RTN1: variants seen among roughly 807,000 people sequenced by gnomAD.
RTN1 encodes reticulon 1.
RTN1 carries 25 observed loss-of-function variants against 65.5 expected under a neutral mutation model. That is an observed-to-expected ratio of 0.38 (90% confidence interval 0.28 to 0.53). RTN1 has a LOEUF of 0.53. RTN1 is among the 20% of genes least tolerant of loss of function. The pLI is 0.79. For missense variants in RTN1, 983 were observed against 1,025.4 expected (o/e 0.96, Z 0.57); for synonymous variants, 471 against 447.6 (o/e 1.05, Z -0.66).
At chr14:59,699,783 A>T (rs1884141725) in intron 3 of RTN1, among the ~76,000 whole-genome samples, 1 of 152,198 alleles carries the variant, frequency 6.6e-6, no homozygotes, top group Non-Finnish European at 1.5e-5. Flanking sequence ...GTTTGAACCT[A>T]GGTCTCACTT....
chr14:59,602,324 T>A (rs1047449482), intron 8 of RTN1, among the ~76,000 whole-genome samples: 1 of 152,186 alleles, frequency 6.6e-6, no homozygotes, highest in African/African-American at 2.4e-5. Context: ...AAGATTAGGC[T>A]AGCTTTTTAA....
intron 3 of RTN1, among the ~76,000 whole-genome samples, chr14:59,699,406 G>T (rs1438921842): frequency 2.0e-5 from 3 of 152,042 alleles, no homozygotes; most frequent in African/African-American, 7.2e-5. Flanking sequence ...AAGAGGAAAA[G>T]AAACAAAACA....
At chr14:59,678,697 C>T (rs1381973961) in intron 3 of RTN1, among the ~76,000 whole-genome samples, 3 of 152,290 alleles carry the variant, frequency 2.0e-5, no homozygotes, top group Admixed American at 6.5e-5. Flanking sequence ...CCTTCCTCAA[C>T]CTCCACTGTC....
chr14:59,843,651 C>A (rs375929242), intron 1 of RTN1, among the ~76,000 whole-genome samples: 9 of 152,118 alleles, frequency 5.9e-5, no homozygotes, highest in African/African-American at 2.2e-4. Flanking sequence ...GGAACGCACA[C>A]GTGATTTGAA....
chr14:59,667,545 G>A lies in RTN1; in HGVS notation c.1765+59374C>T, dbSNP rs370954202. Among the ~76,000 whole-genome samples the A allele has an allele frequency of 1.2e-4, 18 of 152,184 alleles. 2 individuals carry two copies. The highest frequency in any genetic ancestry group is 7.2e-4 in the Admixed American group (11 of 15,286). On this transcript the variant is annotated intron_variant, in intron 3 of 8. Coordinates refer to ENST00000267484, the MANE Select transcript of RTN1 (RefSeq NM_021136.3). The stretch of plus-strand genomic sequence containing the variant: ...ACGGGAAGCATCCCCTTTGAAAACT[G>A]GCACAAGACAAGGATGAGCTCTCTC...
intron 3 of RTN1, among the ~76,000 whole-genome samples, chr14:59,669,840 T>C (rs1207001036): frequency 6.6e-6 from 1 of 152,184 alleles, no homozygotes; most frequent in Non-Finnish European, 1.5e-5. Context: ...GCATTTCTAC[T>C]GTTAAACTCA....
chr14:59,740,991 G>A (rs749560773), intron 2 of RTN1, among the ~76,000 whole-genome samples: 14 of 152,194 alleles, frequency 9.2e-5, no homozygotes, highest in Admixed American at 3.3e-4. Flanking sequence ...ATATAATTGA[G>A]AGGAATAAAA....
At chr14:59,850,093 C>T (rs1887477964) in intron 1 of RTN1, among the ~76,000 whole-genome samples, 1 of 152,186 alleles carries the variant, frequency 6.6e-6, no homozygotes, top group African/African-American at 2.4e-5. Flanking sequence ...TCAGTTGACA[C>T]TCATTACTTT....
At chr14:59,601,036 C>G (rs1009274075) in intron 8 of RTN1, among the ~76,000 whole-genome samples, 1 of 151,598 alleles carries the variant, frequency 6.6e-6, no homozygotes, top group Non-Finnish European at 1.5e-5. Flanking sequence ...CTGATGATAT[C>G]AATCCCCTGC....
At chr14:59,633,735 G>A (rs1882604609) in intron 3 of RTN1, among the ~76,000 whole-genome samples, 1 of 152,220 alleles carries the variant, frequency 6.6e-6, no homozygotes, top group African/African-American at 2.4e-5. Flanking sequence ...GCCAGGAGAG[G>A]AAGTGATTTC....
intron 1 of RTN1, among the ~76,000 whole-genome samples, chr14:59,751,327 C>T (rs1217446454): frequency 6.9e-6 from 1 of 144,494 alleles, no homozygotes; most frequent in Non-Finnish European, 1.5e-5. Flanking sequence ...AACAAAAAAA[C>T]TATTAAATTT....
At chr14:59,609,591 C>G (rs1881881155) in intron 3 of RTN1, among the ~76,000 whole-genome samples, 1 of 152,112 alleles carries the variant, frequency 6.6e-6, no homozygotes, top group Admixed American at 6.5e-5. Context: ...CCCAGCAGCT[C>G]CTGGGTTGAA....
At chr14:59,759,611 C>G (rs1885707830) in intron 1 of RTN1, among the ~76,000 whole-genome samples, 1 of 151,558 alleles carries the variant, frequency 6.6e-6, no homozygotes, top group South Asian at 2.1e-4. Flanking sequence ...ACAGACACCT[C>G]AACAAATAAT....
At position 59,788,256 on chromosome 14, in the gene RTN1, C is replaced by G. The variant is rs560211448; in HGVS notation, c.242-41775G>C. ...CCAGCAATGGGGCTGCTGAACTGAACAGTATGTTGGGTTTTTTTTCTTTTG... is the reference window on the plus strand; with the variant it reads ...CCAGCAATGGGGCTGCTGAACTGAAGAGTATGTTGGGTTTTTTTTCTTTTG... On this transcript the variant is annotated intron_variant, in intron 1 of 8. Coordinates refer to ENST00000267484, the MANE Select transcript of RTN1 (RefSeq NM_021136.3). 2.0e-4 allele frequency among the ~76,000 whole-genome samples: 31 copies of G among 152,304 alleles called. No homozygotes were observed. In the South Asian group the frequency reaches 5.2e-3, roughly 25 times the overall value.
At chr14:59,603,472 C>T (rs1008930365) in intron 6 of RTN1, among the ~76,000 whole-genome samples, 1 of 149,496 alleles carries the variant, frequency 6.7e-6, no homozygotes, top group South Asian at 2.2e-4. Context: ...TGATGCTGAG[C>T]CCTGTACAGG....
At chr14:59,806,606 T>C (rs1886643230) in intron 1 of RTN1, among the ~76,000 whole-genome samples, 1 of 152,296 alleles carries the variant, frequency 6.6e-6, no homozygotes, top group African/African-American at 2.4e-5. Context: ...TCCTGATCTC[T>C]CTCTCCTCCC....
At chr14:59,820,915 T>G (rs941702834) in intron 1 of RTN1, among the ~76,000 whole-genome samples, 3 of 152,248 alleles carry the variant, frequency 2.0e-5, no homozygotes, top group Non-Finnish European at 4.4e-5. Flanking sequence ...TACTGTAGTC[T>G]TGTAGTAGAG....
At chr14:59,721,396 T>A (rs994997435) in intron 3 of RTN1, among the ~76,000 whole-genome samples, 2 of 152,244 alleles carry the variant, frequency 1.3e-5, no homozygotes, top group Non-Finnish European at 2.9e-5. Flanking sequence ...TTTAAAAGCA[T>A]GATATGTCTA....
At chr14:59,675,816 A>C (rs1883615690) in intron 3 of RTN1, among the ~76,000 whole-genome samples, 1 of 152,150 alleles carries the variant, frequency 6.6e-6, no homozygotes, top group Non-Finnish European at 1.5e-5. Context: ...TAAGATATAA[A>C]TCACAAGAAA....
Sources: gnomAD v4.1 joint callset for allele counts (sites outside exome capture counted in the v4.1 genomes callset) on GRCh38, gnomAD v4.1.1 for gene constraint, MANE v1.5 for transcripts, NCBI Gene and HGNC (gene_info 2026-07-23, HGNC 2026-07-21) for gene names.